ABCC9: variants seen among roughly 807,000 people sequenced by gnomAD.
ABCC9 encodes ATP binding cassette subfamily C member 9.
Under a neutral mutation model 188.3 loss-of-function variants are expected in ABCC9, and 95 were observed. The ratio of observed to expected loss-of-function variants is 0.50; its 90% CI spans 0.43 to 0.60. The LOEUF (loss-of-function observed/expected upper bound fraction) is 0.60, where lower values mean the gene tolerates loss of function less well. Among genes scored for constraint, ABCC9 ranks in the 20% least tolerant of loss-of-function variants. ABCC9 has a pLI of 0.00. For synonymous variants in ABCC9, 659 were observed against 652.7 expected, an observed-to-expected ratio of 1.01 and a Z score of -0.15; for missense variants, 1,102 against 1,876.3, an observed-to-expected ratio of 0.59 and a Z score of 7.62.
intron 30 of ABCC9, among the ~76,000 whole-genome samples, chr12:21,836,420 C>A (rs1299731): frequency 0.56 from 84,426 of 151,990 alleles, 23,862 homozygotes; most frequent in Admixed American, 0.64. Flanking sequence ...CTTTTGATTT[C>A]CATATAAAAT....
intron 12 of ABCC9, among the ~76,000 whole-genome samples, chr12:21,899,678 C>T (rs923230149): frequency 2.0e-5 from 3 of 152,210 alleles, no homozygotes; most frequent in East Asian, 1.9e-4. Flanking sequence ...ACGCCTGGCT[C>T]GGAGGGTCCC....
intron 30 of ABCC9, among the ~76,000 whole-genome samples, chr12:21,836,496 A>T (rs895493083): frequency 2.0e-5 from 3 of 152,162 alleles, no homozygotes; most frequent in African/African-American, 7.2e-5. Flanking sequence ...TGTATCTGCC[A>T]GGTCAATTAT....
chr12:21,872,962 T>C (rs1000887425), intron 17 of ABCC9, among the ~76,000 whole-genome samples: 1 of 151,594 alleles, frequency 6.6e-6, no homozygotes, highest in Non-Finnish European at 1.5e-5. Context: ...CTGATAGCAG[T>C]AAAGAAAGTA....
Position 21,915,514 on chromosome 12 carries a change from A to ATATATATTT in ABCC9, c.816+153_816+154insAAATATATA. 5.7e-4 allele frequency among the ~76,000 whole-genome samples: 2 copies of ATATATATTT among 3,522 alleles called. 1 individual carries two copies. The highest frequency in any genetic ancestry group is 9.3e-4 in the Non-Finnish European group (2 of 2,144). The allele number at this position is 3,522 out of a possible 152,430, so 2.3% of individuals were successfully genotyped here. A position where few individuals can be genotyped will look rare whatever the true frequency, so the allele number is the denominator to read the frequency against. Reference sequence around the variant, plus strand: ...TGTGTGTGTGTGTATATATATATATATTTTTTTTTTTTTTTTGAGACAGAG... The same window carrying ATATATATTT: ...TGTGTGTGTGTGTATATATATATATATATATATTTTTTTTTTTTTTTTTTTGAGACAGAG... On this transcript the variant is annotated intron_variant, in intron 7 of 39. Transcript: ENST00000261200.
intron 5 of ABCC9, chr12:21,923,860 G>A (rs1313861943): frequency 1.4e-6 from 1 of 699,016 alleles, no homozygotes; most frequent in South Asian, 1.5e-5. Context: ...CTAAAACCTG[G>A]AAATAGTACA....
At chr12:21,900,085 C>G (rs192707130) in intron 12 of ABCC9, among the ~76,000 whole-genome samples, 1 of 152,168 alleles carries the variant, frequency 6.6e-6, no homozygotes, top group Non-Finnish European at 1.5e-5. Flanking sequence ...ACACCTCACA[C>G]GGCCGGGTAC....
At chr12:21,940,304 A>G (rs1171778194) in intron 2 of ABCC9, among the ~76,000 whole-genome samples, 3 of 152,230 alleles carry the variant, frequency 2.0e-5, no homozygotes, top group Non-Finnish European at 2.9e-5. Context: ...GATTAACCAA[A>G]TTCTGTTATG....
At chr12:21,929,334 A>C (rs1949180490) in intron 4 of ABCC9, among the ~76,000 whole-genome samples, 1 of 152,106 alleles carries the variant, frequency 6.6e-6, no homozygotes, top group Non-Finnish European at 1.5e-5. Flanking sequence ...ATTAAACAAA[A>C]GAGCAAACTA....
intron 16 of ABCC9, 89 bp from the exon 17 acceptor site, chr12:21,875,815 T>C: frequency 9.3e-7 from 1 of 1,071,954 alleles, no homozygotes; most frequent in South Asian, 1.3e-5. Context: ...CCAGGCGCAG[T>C]GGCTCATGCC....
intron 31 of ABCC9, chr12:21,827,301 A>G (rs1943436980): frequency 2.0e-6 from 2 of 985,384 alleles, no homozygotes; most frequent in African/African-American, 3.5e-5. Context: ...CATTAATCTG[A>G]CAGCAGGAAG....
intron 30 of ABCC9, 41 bp downstream of exon 30, chr12:21,838,037 G>A: frequency 7.0e-7 from 1 of 1,421,022 alleles, no homozygotes. Flanking sequence ...TGTTGATGAT[G>A]TTATTGCCTA....
intron 30 of ABCC9, among the ~76,000 whole-genome samples, 196 bp from the exon 31 acceptor site, chr12:21,829,256 C>T (rs1943580761): frequency 8.4e-6 from 1 of 119,042 alleles, no homozygotes; most frequent in Non-Finnish European, 1.6e-5. Flanking sequence ...GGCTGGAGTG[C>T]AGTGGCGCGA....
chr12:21,857,706 C>G (rs1945296888), intron 22 of ABCC9, among the ~76,000 whole-genome samples: 1 of 152,114 alleles, frequency 6.6e-6, no homozygotes, highest in Non-Finnish European at 1.5e-5. Flanking sequence ...AGAGAGACAT[C>G]ATGTTGCTGG....
chr12:21,908,251 T>C lies in ABCC9; in HGVS notation c.1321-40A>G. The C allele has an allele frequency of 1.9e-6, 3 of 1,607,664 alleles. No homozygotes were observed. In the South Asian group the frequency reaches 3.3e-5, roughly 18 times the overall value. On this transcript the variant is annotated intron_variant, in intron 10 of 39. Coordinates refer to ENST00000261200, the MANE Select transcript of ABCC9 (RefSeq NM_020297.4). ...ACATGGAAAAGAGAAGATGAATGGGTTGTGGGAGCCATTGCATGAAAGGAC... is the reference window on the plus strand; with the variant it reads ...ACATGGAAAAGAGAAGATGAATGGGCTGTGGGAGCCATTGCATGAAAGGAC...
chr12:21,867,351 A>G (rs1235763852), intron 18 of ABCC9, among the ~76,000 whole-genome samples: 2 of 152,072 alleles, frequency 1.3e-5, no homozygotes, highest in Non-Finnish European at 2.9e-5. Context: ...ACTCTACAGC[A>G]CTCAAGACAA....
At chr12:21,813,812 T>C (rs1321699366) in intron 35 of ABCC9, among the ~76,000 whole-genome samples, 1 of 152,192 alleles carries the variant, frequency 6.6e-6, no homozygotes, top group Non-Finnish European at 1.5e-5. Flanking sequence ...GACCTCTTTA[T>C]CTCACAGAGC....
At chr12:21,809,470 C>G (rs941136240) in intron 37 of ABCC9, among the ~76,000 whole-genome samples, 2 of 152,178 alleles carry the variant, frequency 1.3e-5, no homozygotes, top group African/African-American at 4.8e-5. Context: ...GTGCCAAAGA[C>G]TTAAACCTAA....
Position 21,814,687 on chromosome 12 carries a change from T to A in ABCC9, c.4059A>T (p.Ser1353=). The part of the protein sequence containing the change: ...GICGRTGSGK[S]SLSLAFFRMV... ...TTCTGAAGAAAGCCAGAGATAACGA[T>A]GATTTCCCACTGCCAGTGCGACCAC... Residue 1353 remains serine, a synonymous_variant, in exon 35 of 40, where the codon TCA becomes TCT. Transcript: ENST00000261200. 2 of 1,614,024 alleles carry A rather than the reference T, an allele frequency of 1.2e-6. No homozygotes were observed. Among genetic ancestry groups the A allele is most frequent in the Non-Finnish European group, 1.7e-6 (2 of 1,179,956 alleles).
rs571631222 is a variant in ABCC9 at position 21,815,532 on chromosome 12, G to T, written c.4023+231C>A. Reference sequence around the variant, plus strand: ...AGAAATTTTTAAAAACATGCCTATTGTTGACTTTTCTGATCTCCATGGGAG... The same window carrying T: ...AGAAATTTTTAAAAACATGCCTATTTTTGACTTTTCTGATCTCCATGGGAG... On this transcript the variant is annotated intron_variant, in intron 34 of 39. Coordinates refer to ENST00000261200, the MANE Select transcript of ABCC9 (RefSeq NM_020297.4). 4.6e-5 allele frequency among the ~76,000 whole-genome samples: 7 copies of T among 152,224 alleles called. No individual in the cohort carries two copies. The East Asian group carries it at 1.3e-3, about 29-fold the overall frequency.
Sources: allele counts gnomAD v4.1 joint callset (sites outside exome capture counted in the v4.1 genomes callset), GRCh38; gene constraint gnomAD v4.1.1; transcripts MANE v1.5; gene names NCBI Gene and HGNC (gene_info 2026-07-23, HGNC 2026-07-21).